DPP10: variants seen among roughly 807,000 people sequenced by gnomAD.
DPP10 encodes the protein dipeptidyl peptidase like 10, also known as inactive dipeptidyl peptidase 10.
In DPP10, 33 loss-of-function variants were observed where a neutral mutation model predicts 120.9. The ratio of observed to expected loss-of-function variants is 0.27; its 90% CI spans 0.21 to 0.37. The LOEUF is 0.37. Ranked by LOEUF, DPP10 falls within the 10% of genes least tolerant of loss-of-function variation. DPP10 has a pLI of 1.00. For missense variants in DPP10, 816 were observed against 942.8 expected, an observed-to-expected ratio of 0.87 and a Z score of 1.76; for synonymous variants, 337 against 326.1, an observed-to-expected ratio of 1.03 and a Z score of -0.36.
At chr2:115,238,202 C>T (rs1293182423) in intron 1 of DPP10, among the ~76,000 whole-genome samples, 1 of 152,124 alleles carries the variant, frequency 6.6e-6, no homozygotes, top group Admixed American at 6.6e-5. Flanking sequence ...TTTCTGAAAA[C>T]CCTAAGGACC....
intron 1 of DPP10, among the ~76,000 whole-genome samples, chr2:115,229,869 T>C (rs1398262049): frequency 2.0e-5 from 3 of 151,576 alleles, no homozygotes; most frequent in Non-Finnish European, 4.4e-5. Context: ...TCTTTCTTTT[T>C]TTTTTTTGGC....
At chr2:114,700,352 G>A (rs140517439) in intron 1 of DPP10, among the ~76,000 whole-genome samples, 8 of 152,192 alleles carry the variant, frequency 5.3e-5, no homozygotes, top group Admixed American at 3.9e-4. Context: ...ACTCCTAGGT[G>A]TAGATTACTT....
At chr2:115,377,077 T>A (rs1244822026) in intron 3 of DPP10, among the ~76,000 whole-genome samples, 2 of 151,830 alleles carry the variant, frequency 1.3e-5, no homozygotes, top group African/African-American at 2.4e-5. Flanking sequence ...AGTAATGGGA[T>A]TGCTGGGTCA....
At position 115,525,920 on chromosome 2, in the gene DPP10, A is replaced by T. The variant is rs1245587791; in HGVS notation, c.389A>T (p.His130Leu). ...TAGGTAACCTTCAAAGCATCAAGAC[A>T]TTCAGTTTCACCAGATTTAAAATAT... ...TTFVTFKASR[H>L]SVSPDLKYVL... The change falls in exon 5 of 26, where the codon CAT (histidine) becomes CTT (leucine). Residue 130 changes from histidine (H) to leucine (L), a missense_variant. Around this residue, in one of 3 missense-constraint regions of DPP10, gnomAD observed 182 missense variants for 207.4 expected, o/e 0.88. Coordinates refer to ENST00000410059, the MANE Select transcript of DPP10 (RefSeq NM_020868.6). The T allele has an allele frequency of 6.2e-7, 1 of 1,609,706 alleles. No individual in the cohort carries two copies. The highest frequency in any genetic ancestry group is 1.3e-5 in the African/African-American group (1 of 74,818).
chr2:115,330,670 A>G (rs2062671343), intron 2 of DPP10, among the ~76,000 whole-genome samples: 1 of 151,982 alleles, frequency 6.6e-6, no homozygotes, highest in Non-Finnish European at 1.5e-5. Context: ...CAGTTTTCCC[A>G]GCACCATTTA....
intron 5 of DPP10, among the ~76,000 whole-genome samples, chr2:115,665,043 T>C (rs1322675626): frequency 6.6e-6 from 1 of 152,220 alleles, no homozygotes; most frequent in Non-Finnish European, 1.5e-5. Context: ...AGTCCTGACC[T>C]AGCACTTACT....
chr2:115,320,780 T>A (rs547637176), intron 2 of DPP10, among the ~76,000 whole-genome samples: 1 of 152,262 alleles, frequency 6.6e-6, no homozygotes, highest in Non-Finnish European at 1.5e-5. Context: ...CTTTTCTATC[T>A]ACCTAGGGAG....
chr2:115,327,125 A>G (rs1017133319), intron 2 of DPP10, among the ~76,000 whole-genome samples: 1 of 152,014 alleles, frequency 6.6e-6, no homozygotes, highest in African/African-American at 2.4e-5. Flanking sequence ...TAGATACACA[A>G]ATAGTTACCA....
At chr2:115,490,895 A>G (rs781552631) in intron 3 of DPP10, among the ~76,000 whole-genome samples, 1 of 152,150 alleles carries the variant, frequency 6.6e-6, no homozygotes, top group African/African-American at 2.4e-5. Context: ...AAGATTGTGG[A>G]TCATTTGAGG....
At chr2:115,761,107 A>G (rs1680063920) in intron 11 of DPP10, among the ~76,000 whole-genome samples, 1 of 151,382 alleles carries the variant, frequency 6.6e-6, no homozygotes, top group Non-Finnish European at 1.5e-5. Context: ...AAAAAAAAAA[A>G]AAAAAAAAAA....
At chr2:115,302,782 A>C (rs2105985306) in intron 1 of DPP10, among the ~76,000 whole-genome samples, 1 of 152,194 alleles carries the variant, frequency 6.6e-6, no homozygotes, top group Non-Finnish European at 1.5e-5. Flanking sequence ...TAAACCTATA[A>C]AGAGTATAAT....
chr2:115,448,075 C>T (rs2072774560), intron 3 of DPP10, among the ~76,000 whole-genome samples: 1 of 152,180 alleles, frequency 6.6e-6, no homozygotes, highest in Non-Finnish European at 1.5e-5. Context: ...AAGATCCACC[C>T]TGTGTGGGGA....
intron 1 of DPP10, among the ~76,000 whole-genome samples, chr2:114,515,108 A>C (rs182013592): frequency 5.3e-5 from 8 of 152,378 alleles, no homozygotes; most frequent in Admixed American, 3.3e-4. Context: ...AAGAGAAAAG[A>C]AACATGCCTG....
chr2:115,295,705 C>T (rs1454253178), intron 1 of DPP10, among the ~76,000 whole-genome samples: 1 of 151,736 alleles, frequency 6.6e-6, no homozygotes, highest in African/African-American at 2.4e-5. Context: ...TTAATTTCTG[C>T]TTTTTTTTCT....
At chr2:114,493,119 C>T (rs1360989162) in intron 1 of DPP10, among the ~76,000 whole-genome samples, 1 of 152,170 alleles carries the variant, frequency 6.6e-6, no homozygotes, top group Non-Finnish European at 1.5e-5. Flanking sequence ...GAGATACACT[C>T]AGTGTGCATT....
intron 5 of DPP10, among the ~76,000 whole-genome samples, chr2:115,596,480 AAC>A (rs1223022632): frequency 2.6e-5 from 4 of 152,152 alleles, no homozygotes; most frequent in Non-Finnish European, 5.9e-5. Context: ...AATGTGTATA[AAC>A]ACACAGACAT....
At chr2:114,923,291 C>G (rs1364429283) in intron 1 of DPP10, among the ~76,000 whole-genome samples, 1 of 150,558 alleles carries the variant, frequency 6.6e-6, no homozygotes, top group African/African-American at 2.4e-5. Context: ...TCAAGCGATT[C>G]TCATGCCTCA....
chr2:115,820,443 T>A (rs1342895056), intron 21 of DPP10, among the ~76,000 whole-genome samples: 1 of 151,822 alleles, frequency 6.6e-6, no homozygotes, highest in African/African-American at 2.4e-5. Flanking sequence ...TTTTTTTTTT[T>A]ATTTCAACAG....
chr2:114,844,255 C>A (rs1452003681), intron 1 of DPP10, among the ~76,000 whole-genome samples: 8 of 152,036 alleles, frequency 5.3e-5, no homozygotes, highest in African/African-American at 1.9e-4. Context: ...ATGTGTGGAA[C>A]AACTCTGTGA....
Sources: gnomAD v4.1 joint callset for allele counts (sites outside exome capture counted in the v4.1 genomes callset) on GRCh38, gnomAD v4.1.1 for gene constraint, gnomAD v4.1.1 regional missense constraint, MANE v1.5 for transcripts, NCBI Gene and HGNC (gene_info 2026-07-23, HGNC 2026-07-21) for gene names.